The following EWSR1 variants were observed in gnomAD, a reference collection of about 807,000 sequenced individuals.
EWSR1 encodes RNA-binding protein EWS.
A neutral mutation model predicts 92.1 loss-of-function variants in EWSR1; 14 were observed. The ratio of observed to expected loss-of-function variants is 0.15; its 90% CI spans 0.10 to 0.24. The LOEUF (loss-of-function observed/expected upper bound fraction) is 0.24, where lower values mean the gene tolerates loss of function less well. Among genes scored for constraint, EWSR1 ranks in the 10% least tolerant of loss-of-function variants. EWSR1 has a pLI of 1.00. For synonymous variants in EWSR1, 303 were observed against 292.9 expected, an observed-to-expected ratio of 1.03 and a Z score of -0.35; for missense variants, 637 against 870.9, an observed-to-expected ratio of 0.73 and a Z score of 3.38.
intron 4 of EWSR1, 129 bp downstream of exon 4, chr22:29,273,993 G>A (rs2058901155): frequency 3.2e-6 from 4 of 1,232,592 alleles, no homozygotes; most frequent in East Asian, 2.4e-5. Context: ...TTATTCTTAG[G>A]AAGAGGTATT....
rs559300291 is a variant in EWSR1, at chr22:29,284,276, C to T, written c.581+1719C>T. Among the ~76,000 whole-genome samples, 57 of 151,572 alleles carry T rather than the reference C, an allele frequency of 3.8e-4. No individual in the cohort carries two copies. The South Asian group carries it at 0.011, about 29-fold the overall frequency. On this transcript the variant is annotated intron_variant, in intron 6 of 16. Transcript: ENST00000397938. ...TACAGGTGTGAGCCACCATGCCCAG[C>T]CTGCAAGTTTTCTTAACCCATGTTT...
At chr22:29,279,119 A>G (rs2059358067) in intron 5 of EWSR1, among the ~76,000 whole-genome samples, 1 of 151,666 alleles carries the variant, frequency 6.6e-6, no homozygotes, top group Admixed American at 6.6e-5. Context: ...AACCCAGAAG[A>G]AGAGAGAGAG....
intron 11 of EWSR1, chr22:29,295,756 A>AGACT (rs1335396329): frequency 8.8e-6 from 2 of 226,218 alleles, no homozygotes; most frequent in Non-Finnish European, 1.8e-5. Context: ...TTCAGCTGAA[A>AGACT]GACTAGTCAT....
At chr22:29,270,230 C>T (rs774558004) in intron 1 of EWSR1, among the ~76,000 whole-genome samples, 1 of 152,140 alleles carries the variant, frequency 6.6e-6, no homozygotes, top group Non-Finnish European at 1.5e-5. Flanking sequence ...TTTCTCTCCT[C>T]GTATGTTATC....
rs770384643 is a variant in EWSR1 at position 29,278,162 on chromosome 22, C to G, written c.359C>G (p.Thr120Ser). The G allele has an allele frequency of 2.5e-6, 4 of 1,614,192 alleles. No individual in the cohort carries two copies. The highest frequency in any genetic ancestry group is 3.4e-6 in the Non-Finnish European group (4 of 1,180,028). ...TATGCAGCTCAGTCTGCATATGGCA[C>G]TCAGCCTGCTTATCCAGCCTATGGG... Reference protein sequence around the residue: ...ASYAAQSAYGTQPAYPAYGQQ... With the variant: ...ASYAAQSAYGSQPAYPAYGQQ... Residue 120 changes from threonine (T) to serine (S), a missense_variant, in exon 5 of 17, where the codon ACT (threonine) becomes AGT (serine). Physicochemically the swap from Thr to Ser is moderately conservative, Grantham distance 58. This residue lies in a region of EWSR1 where 144 missense variants were observed against 189.0 expected (regional missense o/e 0.76). Transcript: ENST00000397938.
At chr22:29,281,556 C>T (rs1444820031) in intron 5 of EWSR1, among the ~76,000 whole-genome samples, 1 of 151,558 alleles carries the variant, frequency 6.6e-6, no homozygotes, top group Non-Finnish European at 1.5e-5. Flanking sequence ...CCTCCTGCCT[C>T]AGCCTCCCAA....
chr22:29,292,451 C>A (rs1344732517), intron 10 of EWSR1, 37 bp from the exon 11 acceptor site: 1 of 1,379,608 alleles, frequency 7.2e-7, no homozygotes, highest in South Asian at 1.2e-5. Context: ...CCTATAGATA[C>A]ATGATAATAA....
intron 13 of EWSR1, among the ~76,000 whole-genome samples, chr22:29,298,495 A>G (rs1479973898): frequency 6.9e-6 from 1 of 144,834 alleles, no homozygotes; most frequent in Admixed American, 6.9e-5. Context: ...CAACAGTGTG[A>G]GACTCCGTCT....
At position 29,292,591 on chromosome 22, in the gene EWSR1, G is replaced by A. The variant is rs760801544; in HGVS notation, c.1149G>A (p.Gln383=). Residue 383 remains glutamine, a synonymous_variant, in exon 11 of 17, where the codon CAG becomes CAA. Coordinates refer to ENST00000397938, the MANE Select transcript of EWSR1 (RefSeq NM_005243.4). The part of the protein sequence containing the change: ...TLDDLADFFK[Q]CGVVKMNKRT... The stretch of plus-strand genomic sequence containing the variant: ...ATGATCTGGCAGACTTCTTTAAGCA[G>A]TGTGGGGTTGTTAAGGTCAGTAAAA... 8.7e-6 allele frequency: 14 copies of A among 1,611,564 alleles called. No individual in the cohort carries two copies. The highest frequency in any genetic ancestry group is 3.3e-5 in the Admixed American group (2 of 59,986).
intron 6 of EWSR1, among the ~76,000 whole-genome samples, chr22:29,286,414 C>T (rs2060037472): frequency 6.6e-6 from 1 of 151,918 alleles, no homozygotes; most frequent in Non-Finnish European, 1.5e-5. Context: ...CCCAGCTGGG[C>T]ACCGTGGCTC....
chr22:29,274,240 A>G lies in EWSR1; in HGVS notation c.226+376A>G, dbSNP rs2058927700. 2.5e-6 allele frequency: 4 copies of G among 1,613,280 alleles called. No individual in the cohort carries two copies. In the Admixed American group the frequency reaches 5.0e-5, roughly 20 times the overall value. ...TGCTTCATCTGATAGTGTACCCTCT[A>G]CTTTTTGTTTTGTGCTTTCCACAGT... is the stretch of plus-strand genomic sequence containing the variant. On this transcript the variant is annotated intron_variant, in intron 4 of 16. Coordinates refer to ENST00000397938, the MANE Select transcript of EWSR1 (RefSeq NM_005243.4).
chr22:29,278,551 G>A (rs775113081), intron 5 of EWSR1, among the ~76,000 whole-genome samples: 5 of 152,092 alleles, frequency 3.3e-5, no homozygotes, highest in Non-Finnish European at 5.9e-5. Context: ...CCGGGGGGGC[G>A]CAGTGGCTCA....
In EWSR1 at chr22:29,272,204, G is replaced by A; in HGVS notation, c.14-12G>A. 6.2e-7 allele frequency: 1 copy of A among 1,612,716 alleles called. No individual in the cohort carries two copies. The highest frequency in any genetic ancestry group is 8.5e-7 in the Non-Finnish European group (1 of 1,179,122). ...TAACTTTACACTATTTTTCCTCCTT[G>A]TTTTCCTCTAGATTACAGTACCTAT... On this transcript the variant is annotated splice_polypyrimidine_tract_variant and intron_variant, in intron 1 of 16. Coordinates refer to ENST00000397938, the MANE Select transcript of EWSR1 (RefSeq NM_005243.4).
chr22:29,274,410 C>G lies in EWSR1; in HGVS notation c.226+546C>G, dbSNP rs540600168. The G allele has an allele frequency of 2.1e-5, 22 of 1,043,716 alleles. No homozygotes were observed. In the African/African-American group the frequency reaches 3.3e-4, roughly 16 times the overall value. The allele number at this position is 1,043,716 out of a possible 1,614,324, so 64.7% of individuals were successfully genotyped here. ...TTCTAACATCACACACAGCAAGGTG[C>G]TAATGAAAAACTGCTTCAGGTGCCA... On this transcript the variant is annotated intron_variant, in intron 4 of 16. Coordinates refer to ENST00000397938, the MANE Select transcript of EWSR1 (RefSeq NM_005243.4).
intron 5 of EWSR1, among the ~76,000 whole-genome samples, chr22:29,280,050 T>C (rs1489451914): frequency 6.6e-6 from 1 of 152,192 alleles, no homozygotes; most frequent in African/African-American, 2.4e-5. Context: ...AAGTTAGTAC[T>C]TCACACCCTC....
At chr22:29,278,790 A>C (rs2059325493) in intron 5 of EWSR1, among the ~76,000 whole-genome samples, 1 of 150,796 alleles carries the variant, frequency 6.6e-6, no homozygotes, top group Non-Finnish European at 1.5e-5. Context: ...GCTCCACTGC[A>C]CTCCAGCCTG....
At chr22:29,292,467 C>A in intron 10 of EWSR1, 21 bp from the exon 11 acceptor site, 2 of 1,483,368 alleles carry the variant, frequency 1.3e-6, no homozygotes, top group South Asian at 2.3e-5. Context: ...AATAATTCTC[C>A]TGTCTTGTTG....
At chr22:29,298,431 G>T (rs183466110) in intron 13 of EWSR1, among the ~76,000 whole-genome samples, 7 of 151,594 alleles carry the variant, frequency 4.6e-5, no homozygotes, top group Admixed American at 6.6e-5. Context: ...GTTTGAATCT[G>T]GGGGGGTGGA....
chr22:29,276,295 A>G, intron 4 of EWSR1: 1 of 230,056 alleles, frequency 4.3e-6, no homozygotes, highest in Non-Finnish European at 8.6e-6. Flanking sequence ...TAAGCAGTTC[A>G]GATGAACAAC....
Sources: allele counts gnomAD v4.1 joint callset (sites outside exome capture counted in the v4.1 genomes callset), GRCh38; gene constraint gnomAD v4.1.1; regional missense constraint gnomAD v4.1.1; transcripts MANE v1.5; gene names NCBI Gene and HGNC (gene_info 2026-07-23, HGNC 2026-07-21).